Variants in GBE1 observed in about 807,000 individuals in gnomAD.
GBE1 encodes the protein 1,4-alpha-glucan-branching enzyme.
A neutral mutation model predicts 88.8 loss-of-function variants in GBE1; 70 were observed. That is an observed-to-expected ratio of 0.79 (90% confidence interval 0.65 to 0.96). GBE1 has a LOEUF of 0.96. GBE1 is among the 40% of genes least tolerant of loss of function. The pLI, the probability that GBE1 is intolerant of heterozygous loss-of-function variation, is 0.00. For synonymous variants in GBE1, 284 were observed against 300.1 expected (o/e 0.95, Z 0.56); for missense variants, 872 against 871.0 (o/e 1.00, Z -0.01).
intron 7 of GBE1, among the ~76,000 whole-genome samples, chr3:81,641,574 T>A (rs967416037): frequency 6.6e-6 from 1 of 152,120 alleles, no homozygotes; most frequent in African/African-American, 2.4e-5. Flanking sequence ...AGAATAAGAA[T>A]GATTAATCAG....
intron 2 of GBE1, among the ~76,000 whole-genome samples, chr3:81,690,815 C>A (rs976289097): frequency 2.6e-5 from 4 of 151,794 alleles, no homozygotes; most frequent in Non-Finnish European, 4.4e-5. Context: ...TCATTGTTGT[C>A]TCATTTTATT....
At chr3:81,727,721 G>A (rs1358794900) in intron 1 of GBE1, among the ~76,000 whole-genome samples, 4 of 152,088 alleles carry the variant, frequency 2.6e-5, no homozygotes, top group African/African-American at 7.2e-5. Context: ...GAATATGAAT[G>A]TCAATATAAA....
intron 12 of GBE1, 128 bp from the exon 13 acceptor site, chr3:81,537,223 T>C (rs1703090125): frequency 3.2e-6 from 2 of 616,238 alleles, no homozygotes. Flanking sequence ...TAGACCTGTG[T>C]CCTGTGAATG....
intron 3 of GBE1, among the ~76,000 whole-genome samples, chr3:81,653,372 G>C (rs1163180356): frequency 6.6e-6 from 1 of 152,058 alleles, no homozygotes; most frequent in African/African-American, 2.4e-5. Flanking sequence ...TACAGTCCTC[G>C]TTAATTAGGA....
chr3:81,738,217 G>T (rs1464327124), intron 1 of GBE1, among the ~76,000 whole-genome samples: 1 of 151,548 alleles, frequency 6.6e-6, no homozygotes, highest in African/African-American at 2.4e-5. Context: ...AAACATACGT[G>T]TGCATGTGTC....
chr3:81,698,066 G>GTA (rs771192115), intron 2 of GBE1, among the ~76,000 whole-genome samples: 1,811 of 144,198 alleles, frequency 0.013, 12 homozygotes, highest in African/African-American at 0.028. Context: ...ATATATATGT[G>GTA]TATATATATA....
chr3:81,613,587 C>T (rs1000283186), intron 7 of GBE1, among the ~76,000 whole-genome samples: 11 of 151,942 alleles, frequency 7.2e-5, no homozygotes, highest in African/African-American at 2.7e-4. Flanking sequence ...AGAAGGTCAG[C>T]AAGGGGTGAG....
intron 14 of GBE1, among the ~76,000 whole-genome samples, chr3:81,531,383 C>T (rs902309260): frequency 2.7e-5 from 4 of 147,978 alleles, no homozygotes; most frequent in Admixed American, 6.7e-5. Flanking sequence ...CTCTCCTTTC[C>T]TCAGGCAGGA....
chr3:81,684,091 A>G (rs373933443), intron 2 of GBE1, among the ~76,000 whole-genome samples: 18 of 152,306 alleles, frequency 1.2e-4, no homozygotes, highest in African/African-American at 4.1e-4. Flanking sequence ...AATGTCCTAT[A>G]AAGTATCACA....
At chr3:81,740,239 A>G (rs1057145715) in intron 1 of GBE1, among the ~76,000 whole-genome samples, 3 of 151,666 alleles carry the variant, frequency 2.0e-5, no homozygotes, top group Non-Finnish European at 4.4e-5. Context: ...AATAATAATA[A>G]TAGATTAACC....
chr3:81,578,051 C>A lies in GBE1; in HGVS notation c.1492G>T (p.Glu498Ter), dbSNP rs201758548. The change falls in exon 12 of 16, where the codon GAA (glutamate) becomes TAA (stop). Residue 498 changes from glutamate to a stop codon, truncating the protein, a stop_gained. Coordinates refer to ENST00000429644, the MANE Select transcript of GBE1 (RefSeq NM_000158.4). LOFTEE classifies it high-confidence loss of function. ...KSLAFWLMDA[E>*]MYTNMSVLTP... ...AGGACACTCATGTTTGTATACATTT[C>A]GGCATCCATCAACCAAAATGCCAGC... is the stretch of plus-strand genomic sequence containing the variant. The A allele has an allele frequency of 1.2e-6, 2 of 1,607,998 alleles. No individual in the cohort carries two copies. The highest frequency in any genetic ancestry group is 8.5e-7 in the Non-Finnish European group (1 of 1,177,124).
intron 2 of GBE1, among the ~76,000 whole-genome samples, chr3:81,691,317 A>T (rs1337716280): frequency 6.6e-6 from 1 of 152,238 alleles, no homozygotes; most frequent in Non-Finnish European, 1.5e-5. Context: ...ACAAAAATGG[A>T]CTATTTTATA....
At chr3:81,597,808 T>C (rs1703980420) in intron 7 of GBE1, among the ~76,000 whole-genome samples, 1 of 151,898 alleles carries the variant, frequency 6.6e-6, no homozygotes, top group Admixed American at 6.6e-5. Context: ...CATTTAAGGA[T>C]TTCTGGCAAT....
chr3:81,749,964 G>C (rs1390805875), intron 1 of GBE1, among the ~76,000 whole-genome samples: 1 of 152,170 alleles, frequency 6.6e-6, no homozygotes, highest in Non-Finnish European at 1.5e-5. Flanking sequence ...TTTGTGAGTA[G>C]AGGTTTGCCT....
At chr3:81,656,164 C>T (rs780900169) in intron 3 of GBE1, among the ~76,000 whole-genome samples, 4 of 152,060 alleles carry the variant, frequency 2.6e-5, no homozygotes, top group Admixed American at 2.6e-4. Flanking sequence ...ACACCCTACG[C>T]CAAGAATCTG....
intron 1 of GBE1, among the ~76,000 whole-genome samples, chr3:81,717,273 CT>C (rs768341117): frequency 4.3e-4 from 65 of 152,282 alleles, no homozygotes; most frequent in Non-Finnish European, 8.4e-4. Flanking sequence ...TCAGGTTTCT[CT>C]TTTTGGAAAA....
chr3:81,589,933 C>T (rs548897846), intron 9 of GBE1, among the ~76,000 whole-genome samples: 2 of 151,988 alleles, frequency 1.3e-5, no homozygotes, highest in East Asian at 1.9e-4. Flanking sequence ...TATGATCAAA[C>T]GTAGGTAGGT....
intron 14 of GBE1, among the ~76,000 whole-genome samples, chr3:81,519,224 A>C (rs1377748573): frequency 6.6e-6 from 1 of 151,624 alleles, no homozygotes; most frequent in East Asian, 1.9e-4. Flanking sequence ...TACAGGTTGC[A>C]AATGTCAGAG....
chr3:81,590,754 C>T (rs879538541), intron 9 of GBE1, among the ~76,000 whole-genome samples: 8 of 152,042 alleles, frequency 5.3e-5, no homozygotes, highest in South Asian at 4.2e-4. Flanking sequence ...GGTCTCATAG[C>T]GAAGGGCCTG....
Sources: gnomAD v4.1 joint callset for allele counts (sites outside exome capture counted in the v4.1 genomes callset) on GRCh38, gnomAD v4.1.1 for gene constraint, MANE v1.5 for transcripts, NCBI Gene and HGNC (gene_info 2026-07-23, HGNC 2026-07-21) for gene names.